MICU2: variants seen among roughly 807,000 people sequenced by gnomAD.
MICU2 encodes calcium uptake protein 2, mitochondrial.
Under a neutral mutation model 60.4 loss-of-function variants are expected in MICU2, and 64 were observed. That is an observed-to-expected ratio of 1.06 (90% CI 0.87 to 1.31). The LOEUF is 1.31. Among genes scored for constraint, MICU2 ranks in the 50% most tolerant of loss-of-function variants. The pLI, the probability that MICU2 is intolerant of heterozygous loss-of-function variation, is 0.00. For synonymous variants in MICU2, 201 were observed against 175.0 expected, an observed-to-expected ratio of 1.15 and a Z score of -1.17; for missense variants, 569 against 531.0, an observed-to-expected ratio of 1.07 and a Z score of -0.70.
rs530043962 is a variant in MICU2, at chr13:21,542,654, T to G, written c.359-2966A>C. On this transcript the variant is annotated intron_variant, in intron 2 of 11. Coordinates refer to ENST00000382374, the MANE Select transcript of MICU2 (RefSeq NM_152726.3). Reference sequence around the variant, plus strand: ...AAAACAAGAAAAACACATTAGGGGTTTTTGTTTTTGTAGGAGGCGGCATAG... The same window carrying G: ...AAAACAAGAAAAACACATTAGGGGTGTTTGTTTTTGTAGGAGGCGGCATAG... 2.0e-5 allele frequency among the ~76,000 whole-genome samples: 3 copies of G among 152,344 alleles called. No homozygotes were observed. In the East Asian group the frequency reaches 5.8e-4, roughly 29 times the overall value.
chr13:21,524,080 CGAT>C (rs1169156363), intron 4 of MICU2, among the ~76,000 whole-genome samples: 2 of 152,090 alleles, frequency 1.3e-5, no homozygotes, highest in African/African-American at 4.8e-5. Flanking sequence ...TACACAGAAA[CGAT>C]ATCTCAAAAA....
chr13:21,545,743 G>A (rs951058636), intron 2 of MICU2, among the ~76,000 whole-genome samples: 1 of 152,114 alleles, frequency 6.6e-6, no homozygotes, highest in African/African-American at 2.4e-5. Context: ...GGGAAGGGTG[G>A]GAGGAAGAGA....
intron 2 of MICU2, among the ~76,000 whole-genome samples, chr13:21,560,382 T>A (rs1227345753): frequency 6.6e-6 from 1 of 152,204 alleles, no homozygotes; most frequent in African/African-American, 2.4e-5. Context: ...TTCCACTGAT[T>A]TATAATGCCA....
At chr13:21,510,123 T>C in intron 7 of MICU2, 22 bp from the exon 8 acceptor site, 1 of 1,178,802 alleles carries the variant, frequency 8.5e-7, no homozygotes, top group Non-Finnish European at 1.1e-6. Context: ...ATCACAATAA[T>C]TTAAAATAAT....
intron 1 of MICU2, among the ~76,000 whole-genome samples, chr13:21,582,215 T>C (rs1220936529): frequency 3.3e-5 from 5 of 150,570 alleles, no homozygotes; most frequent in East Asian, 4.0e-4. Flanking sequence ...AATGACACAA[T>C]GTGGAACTAC....
intron 1 of MICU2, among the ~76,000 whole-genome samples, chr13:21,598,145 T>C (rs1301002497): frequency 6.6e-6 from 1 of 152,016 alleles, no homozygotes; most frequent in African/African-American, 2.4e-5. Context: ...AATAATTTTA[T>C]TTTTCAAACA....
intron 1 of MICU2, chr13:21,603,656 A>C: frequency 2.0e-6 from 1 of 509,376 alleles, no homozygotes; most frequent in East Asian, 3.7e-5. Context: ...CATCACCACT[A>C]AATTAGTGCG....
Position 21,544,532 on chromosome 13 carries a change from A to AAAAAAAAC in MICU2, c.359-4845_359-4844insGTTTTTTT, listed in dbSNP as rs560934524. On this transcript the variant is annotated intron_variant, in intron 2 of 11. Coordinates refer to ENST00000382374, the MANE Select transcript of MICU2 (RefSeq NM_152726.3). ...TAAACACATGAAAAAAAAAAAAAAAAAACTCAATACCACTGATCATCAGGG... is the reference window on the plus strand; with the variant it reads ...TAAACACATGAAAAAAAAAAAAAAAAAAAAAAACAACTCAATACCACTGATCATCAGGG... 1.1e-4 allele frequency among the ~76,000 whole-genome samples: 15 copies of AAAAAAAAC among 132,510 alleles called. 1 individual carries two copies. Among genetic ancestry groups the AAAAAAAAC allele is most frequent in the Non-Finnish European group, 1.8e-4 (11 of 61,874 alleles). 86.9% of individuals were successfully genotyped at this position (132,510 alleles called of 152,430 possible).
In MICU2 at chr13:21,538,128, ATG is replaced by A. The variant is rs543815954; in HGVS notation, c.466+1172_466+1173del. Among the ~76,000 whole-genome samples the A allele has an allele frequency of 1.4e-3, 218 of 152,044 alleles. 2 individuals are homozygous for A. The highest frequency in any genetic ancestry group is 2.7e-3 in the Non-Finnish European group (185 of 67,978). ...CCCTCTAACTCCTCTGTTCATGACCATGTCTCTCAAGAGGTCTGCGTTTACTT... is the reference window on the plus strand; with the variant it reads ...CCCTCTAACTCCTCTGTTCATGACCATCTCTCAAGAGGTCTGCGTTTACTT... On this transcript the variant is annotated intron_variant, in intron 4 of 11. Transcript: ENST00000382374.
At chr13:21,556,565 T>A (rs994068601) in intron 2 of MICU2, among the ~76,000 whole-genome samples, 4 of 152,130 alleles carry the variant, frequency 2.6e-5, no homozygotes, top group Non-Finnish European at 5.9e-5. Flanking sequence ...ATGAGACTAT[T>A]TGGAAGTTTT....
chr13:21,563,296 A>T (rs1378174317), intron 2 of MICU2, among the ~76,000 whole-genome samples: 1 of 152,038 alleles, frequency 6.6e-6, no homozygotes, highest in Non-Finnish European at 1.5e-5. Flanking sequence ...TCTACTAAAA[A>T]TACAAAAAAT....
intron 2 of MICU2, among the ~76,000 whole-genome samples, chr13:21,545,861 A>G (rs1314635249): frequency 6.6e-6 from 1 of 152,168 alleles, no homozygotes; most frequent in Non-Finnish European, 1.5e-5. Context: ...GCAATAATAC[A>G]TCACCTAGTT....
rs1037847555 is a variant in MICU2 at position 21,562,202 on chromosome 13, T to C, written c.358+4595A>G. On this transcript the variant is annotated intron_variant, in intron 2 of 11. Transcript: ENST00000382374. ...TGCATGTGTCTTTATAGCAGCATGA[T>C]TTATAGTCCTGTGGGTATATACCCA... 2.0e-5 allele frequency among the ~76,000 whole-genome samples: 3 copies of C among 152,152 alleles called. No individual in the cohort carries two copies. The East Asian group carries it at 5.8e-4, about 29-fold the overall frequency.
intron 8 of MICU2, among the ~76,000 whole-genome samples, chr13:21,506,098 C>T (rs904873060): frequency 1.3e-5 from 2 of 151,510 alleles, no homozygotes; most frequent in African/African-American, 4.9e-5. Flanking sequence ...GATCACAACT[C>T]ACTGCAGCCT....
At chr13:21,520,343 T>A (rs1886685818) in intron 6 of MICU2, among the ~76,000 whole-genome samples, 1 of 152,230 alleles carries the variant, frequency 6.6e-6, no homozygotes, top group Non-Finnish European at 1.5e-5. Flanking sequence ...CAAGGATATA[T>A]GTTACTTTAA....
chr13:21,508,129 T>C (rs2138144880), intron 8 of MICU2, among the ~76,000 whole-genome samples: 2 of 123,002 alleles, frequency 1.6e-5, no homozygotes, highest in Middle Eastern at 7.9e-3. Context: ...CTCTTCTTTC[T>C]TTTTTTTTTT....
chr13:21,593,586 A>C (rs1247502975), intron 1 of MICU2, among the ~76,000 whole-genome samples: 1 of 149,060 alleles, frequency 6.7e-6, no homozygotes, highest in Non-Finnish European at 1.5e-5. Context: ...AAAAAAAAAA[A>C]AAAAAAAACA....
chr13:21,570,211 G>A (rs1888076412), intron 1 of MICU2, among the ~76,000 whole-genome samples: 1 of 152,154 alleles, frequency 6.6e-6, no homozygotes, highest in Non-Finnish European at 1.5e-5. Flanking sequence ...GAAAAAACAT[G>A]TATTGTTCTG....
intron 7 of MICU2, among the ~76,000 whole-genome samples, chr13:21,510,907 G>A (rs543921992): frequency 6.6e-6 from 1 of 151,450 alleles, no homozygotes; most frequent in South Asian, 2.1e-4. Flanking sequence ...AGATTAACAG[G>A]GTGAGAAGAC....
Sources: allele counts gnomAD v4.1 joint callset (sites outside exome capture counted in the v4.1 genomes callset), GRCh38; gene constraint gnomAD v4.1.1; transcripts MANE v1.5; gene names NCBI Gene and HGNC (gene_info 2026-07-23, HGNC 2026-07-21).